The following CNTNAP2 variants were observed in gnomAD, a reference collection of about 807,000 sequenced individuals.
The protein encoded by CNTNAP2 is contactin-associated protein-like 2.
CNTNAP2 carries 98 observed loss-of-function variants against 155.2 expected under a neutral mutation model. That is an observed-to-expected ratio of 0.63 (90% CI 0.54 to 0.75). The LOEUF (loss-of-function observed/expected upper bound fraction) is 0.75, where lower values mean the gene tolerates loss of function less well. Among genes scored for constraint, CNTNAP2 ranks in the 30% least tolerant of loss-of-function variants. The pLI is 0.00. For synonymous variants in CNTNAP2, 651 were observed against 631.2 expected (o/e 1.03, Z -0.47); for missense variants, 1,727 against 1,688.1 (o/e 1.02, Z -0.40).
intron 8 of CNTNAP2, among the ~76,000 whole-genome samples, chr7:147,225,746 G>A (rs772236214): frequency 4.7e-4 from 6 of 12,692 alleles, no homozygotes; most frequent in Non-Finnish European, 8.1e-4. Flanking sequence ...AAGGAAAGAA[G>A]GAAGGAAGGA....
chr7:147,467,329 C>T (rs1798138243), intron 10 of CNTNAP2, among the ~76,000 whole-genome samples: 1 of 152,142 alleles, frequency 6.6e-6, no homozygotes, highest in African/African-American at 2.4e-5. Flanking sequence ...AAGAATAAAC[C>T]TTAAAATAAT....
At chr7:147,628,435 G>A (rs552078213) in intron 12 of CNTNAP2, among the ~76,000 whole-genome samples, 4 of 152,206 alleles carry the variant, frequency 2.6e-5, no homozygotes, top group East Asian at 1.9e-4. Flanking sequence ...CAAATGCTGA[G>A]AAAATTTGCC....
intron 11 of CNTNAP2, among the ~76,000 whole-genome samples, chr7:147,530,059 T>C (rs1276574445): frequency 6.6e-6 from 1 of 152,216 alleles, no homozygotes; most frequent in African/African-American, 2.4e-5. Context: ...AAATAACATC[T>C]GTATTAGTCT....
At chr7:146,755,839 G>C (rs1258828923) in intron 1 of CNTNAP2, among the ~76,000 whole-genome samples, 1 of 151,970 alleles carries the variant, frequency 6.6e-6, no homozygotes, top group Non-Finnish European at 1.5e-5. Flanking sequence ...TACTGGAGAA[G>C]AAACTCTTGT....
At chr7:146,622,962 A>AAAAAAAG (rs774515720) in intron 1 of CNTNAP2, among the ~76,000 whole-genome samples, 21 of 149,932 alleles carry the variant, frequency 1.4e-4, no homozygotes, top group South Asian at 4.2e-4. Context: ...ATCTCAAAAA[A>AAAAAAAG]AAAAAAGAAA....
chr7:148,286,387 C>A (rs1797083125), intron 21 of CNTNAP2, among the ~76,000 whole-genome samples: 1 of 152,104 alleles, frequency 6.6e-6, no homozygotes, highest in Non-Finnish European at 1.5e-5. Context: ...GCAGCCTGGG[C>A]TCCCTATACA....
chr7:147,936,001 C>T (rs1800600045), intron 14 of CNTNAP2, among the ~76,000 whole-genome samples: 1 of 125,774 alleles, frequency 8.0e-6, no homozygotes, highest in Non-Finnish European at 1.7e-5. Flanking sequence ...TTAACTTGAA[C>T]ATGCTTTCAT....
In CNTNAP2 at chr7:146,418,285, A is replaced by G. The variant is rs182363804; in HGVS notation, c.97+301312A>G. 2.6e-3 allele frequency among the ~76,000 whole-genome samples: 396 copies of G among 152,300 alleles called. 1 individual carries two copies. The highest frequency in any genetic ancestry group is 0.02 in the South Asian group (95 of 4,832). Reference sequence around the variant, plus strand: ...CATAACTCTGTTTCACTCGGCCACAAATTAAGTGTCAGGGCACATCCCAGC... The same window carrying G: ...CATAACTCTGTTTCACTCGGCCACAGATTAAGTGTCAGGGCACATCCCAGC... On this transcript the variant is annotated intron_variant, in intron 1 of 23. Transcript: ENST00000361727.
At chr7:146,788,181 C>T (rs1402929852) in intron 2 of CNTNAP2, among the ~76,000 whole-genome samples, 5 of 152,126 alleles carry the variant, frequency 3.3e-5, no homozygotes, top group African/African-American at 9.7e-5. Flanking sequence ...CAAGCCGGCG[C>T]CCACCTGGAA....
chr7:147,790,811 G>A (rs1303656186), intron 13 of CNTNAP2, among the ~76,000 whole-genome samples: 1 of 152,180 alleles, frequency 6.6e-6, no homozygotes, highest in Non-Finnish European at 1.5e-5. Flanking sequence ...CACCTATGTG[G>A]CAGTTTTTAT....
chr7:146,798,005 G>C (rs1034310940), intron 2 of CNTNAP2, among the ~76,000 whole-genome samples: 1 of 147,964 alleles, frequency 6.8e-6, no homozygotes, highest in Non-Finnish European at 1.5e-5. Flanking sequence ...CGAGTGTGGT[G>C]GCTTACAGCT....
At chr7:146,643,651 T>C (rs1799755070) in intron 1 of CNTNAP2, among the ~76,000 whole-genome samples, 2 of 152,324 alleles carry the variant, frequency 1.3e-5, no homozygotes, top group South Asian at 4.1e-4. Flanking sequence ...AGGCTCTTTT[T>C]TTGGTTCCAT....
chr7:146,786,094 C>A (rs1802569569), intron 2 of CNTNAP2, among the ~76,000 whole-genome samples: 1 of 152,248 alleles, frequency 6.6e-6, no homozygotes, highest in South Asian at 2.1e-4. Context: ...ATTCAATAGA[C>A]AAGTTTAGGC....
intron 13 of CNTNAP2, among the ~76,000 whole-genome samples, chr7:147,713,151 T>A (rs1206115753): frequency 6.6e-6 from 1 of 152,092 alleles, no homozygotes; most frequent in Non-Finnish European, 1.5e-5. Context: ...TGCATCCCAT[T>A]TTTTTCTTTT....
chr7:147,639,994 T>C (rs989285735), intron 13 of CNTNAP2, among the ~76,000 whole-genome samples: 12 of 152,118 alleles, frequency 7.9e-5, no homozygotes, highest in African/African-American at 2.9e-4. Context: ...AAACTGCATC[T>C]CTGTGTCTGT....
At chr7:146,861,351 C>T (rs1021103980) in intron 3 of CNTNAP2, among the ~76,000 whole-genome samples, 1 of 152,066 alleles carries the variant, frequency 6.6e-6, no homozygotes, top group Non-Finnish European at 1.5e-5. Flanking sequence ...TTTTCCTTAC[C>T]CTTTCATTTT....
intron 12 of CNTNAP2, among the ~76,000 whole-genome samples, chr7:147,597,182 C>G (rs1800840700): frequency 6.6e-6 from 1 of 152,172 alleles, no homozygotes; most frequent in African/African-American, 2.4e-5. Flanking sequence ...ACTCCATGGA[C>G]TTGCTCTGAG....
At chr7:147,668,009 C>T (rs1009733379) in intron 13 of CNTNAP2, among the ~76,000 whole-genome samples, 2 of 152,008 alleles carry the variant, frequency 1.3e-5, no homozygotes, top group Non-Finnish European at 2.9e-5. Context: ...TTGGAAAAAT[C>T]AACAAGGTGG....
chr7:148,250,829 A>G (rs1796352138), intron 20 of CNTNAP2, among the ~76,000 whole-genome samples: 1 of 152,086 alleles, frequency 6.6e-6, no homozygotes, highest in East Asian at 1.9e-4. Flanking sequence ...AAATCTATTC[A>G]TATTTTTGTT....
Sources: gnomAD v4.1 joint callset for allele counts (sites outside exome capture counted in the v4.1 genomes callset) on GRCh38, gnomAD v4.1.1 for gene constraint, MANE v1.5 for transcripts, NCBI Gene and HGNC (gene_info 2026-07-23, HGNC 2026-07-21) for gene names.